NET1: variants seen among roughly 807,000 people sequenced by gnomAD.
The protein encoded by NET1 is neuroepithelial cell-transforming gene 1 protein.
NET1 carries 42 observed loss-of-function variants against 61.1 expected under a neutral mutation model. The ratio of observed to expected loss-of-function variants is 0.69; its 90% CI spans 0.54 to 0.89. NET1 has a LOEUF of 0.89. Ranked by LOEUF, NET1 falls within the 40% of genes least tolerant of loss-of-function variation. The pLI is 0.00. For missense variants in NET1, 654 were observed against 747.3 expected (o/e 0.88, Z 1.46); for synonymous variants, 254 against 281.8 (o/e 0.90, Z 0.99).
At position 5,449,316 on chromosome 10, in the gene NET1, A is replaced by G. The variant is rs1341424263; in HGVS notation, c.256-2514A>G. 6.6e-6 allele frequency among the ~76,000 whole-genome samples: 1 copy of G among 152,162 alleles called. No individual in the cohort carries two copies. The highest frequency in any genetic ancestry group is 1.5e-5 in the Non-Finnish European group (1 of 68,036). On this transcript the variant is annotated intron_variant, in intron 3 of 11. Transcript: ENST00000355029. This position sits in a 1 kb window ranked among gnomAD's most constrained non-coding sequence, Gnocchi z 4.4. ...GAGTGAGGCAGGAAAGTTATCCACC[A>G]TCATCCCCAAAAGCATGTGAAAAAG...
At chr10:5,419,348 G>A (rs977866773) in intron 1 of NET1, among the ~76,000 whole-genome samples, 6 of 149,058 alleles carry the variant, frequency 4.0e-5, no homozygotes, top group African/African-American at 1.5e-4. Context: ...GGTTGGTTTT[G>A]ATCCTGTCTG....
In NET1 at chr10:5,457,183, C is replaced by CT. The variant is rs992021990; in HGVS notation, c.*199dup. The stretch of plus-strand genomic sequence containing the variant: ...TACAGATTACTGTTAAATTGCAGTC[C>CT]TTTTTTTTTTAAAGATATTTTCTTG... On this transcript the variant is annotated 3_prime_UTR_variant, in exon 12 of 12. Transcript: ENST00000355029. The surrounding 1 kb of genome is among the most constrained non-coding windows in gnomAD (Gnocchi z 5.4). The CT allele has an allele frequency of 8.1e-3, 2,826 of 348,460 alleles. No homozygotes were observed. The highest frequency in any genetic ancestry group is 0.016 in the Middle Eastern group (20 of 1,230). The allele number at this position is 348,460 out of a possible 1,614,324, so 21.6% of individuals were successfully genotyped here.
chr10:5,452,834 C>T lies in NET1; in HGVS notation c.532-24C>T, dbSNP rs372650858. 8 of 1,606,120 alleles carry T rather than the reference C, an allele frequency of 5.0e-6. No individual in the cohort carries two copies. Among genetic ancestry groups the T allele is most frequent in the African/African-American group, 4.0e-5 (3 of 74,584 alleles). The stretch of plus-strand genomic sequence containing the variant: ...TTTTCCTTTCTCGAAGGAATGACCT[C>T]TGATGTTTGCTGGATGTTTTTAGGC... On this transcript the variant is annotated intron_variant, in intron 5 of 11. Coordinates refer to ENST00000355029, the MANE Select transcript of NET1 (RefSeq NM_001047160.3). This position sits in a 1 kb window ranked among gnomAD's most constrained non-coding sequence, Gnocchi z 4.0.
Position 5,412,805 on chromosome 10 carries a change from C to T in NET1, c.113C>T (p.Ser38Leu). ...ATGPSADTSG[S>L]ELDGRCSLRR... ...GGGCCTTCGGCCGACACCTCCGGGT[C>T]GGAGCTGGACGGGAGGTGAGTGTGG... The change falls in exon 1 of 12, where the codon TCG becomes TTG. Residue 38 changes from serine (S) to leucine (L), a missense_variant. Ser to Leu is a moderately radical substitution (Grantham distance 145). Transcript: ENST00000355029. The surrounding 1 kb of genome is among the most constrained non-coding windows in gnomAD (Gnocchi z 6.5). The T allele has an allele frequency of 1.4e-6, 2 of 1,412,966 alleles. No individual in the cohort carries two copies. Among genetic ancestry groups the T allele is most frequent in the South Asian group, 1.4e-5 (1 of 69,272 alleles). The allele number at this position is 1,412,966 out of a possible 1,614,324, so 87.5% of individuals were successfully genotyped here. A position where few individuals can be genotyped will look rare whatever the true frequency, so the allele number is the denominator to read the frequency against.
At chr10:5,428,445 ATT>A (rs11448127) in intron 2 of NET1, among the ~76,000 whole-genome samples, 1 of 146,418 alleles carries the variant, frequency 6.8e-6, no homozygotes, top group Non-Finnish European at 1.5e-5. Flanking sequence ...TGAGAAAAGG[ATT>A]TTTTTTTTCT....
At position 5,415,681 on chromosome 10, in the gene NET1, TGCCTGCCTCG is replaced by T. The variant is rs1832071341; in HGVS notation, c.128+2866_128+2875del. 6.6e-6 allele frequency among the ~76,000 whole-genome samples: 1 copy of T among 152,176 alleles called. No individual in the cohort carries two copies. Among genetic ancestry groups the T allele is most frequent in the South Asian group, 2.1e-4 (1 of 4,828 alleles). Reference sequence around the variant, plus strand: ...GTCTTGAACTCCTGACCTTGTGATTTGCCTGCCTCGGCCTCCCAAAGTGCTGGGATTACAG... The same window carrying T: ...GTCTTGAACTCCTGACCTTGTGATTTGCCTCCCAAAGTGCTGGGATTACAG... On this transcript the variant is annotated intron_variant, in intron 1 of 11. Coordinates refer to ENST00000355029, the MANE Select transcript of NET1 (RefSeq NM_001047160.3). The surrounding 1 kb of genome is among the most constrained non-coding windows in gnomAD (Gnocchi z 4.7).
chr10:5,432,976 T>C (rs1195118926), intron 3 of NET1, among the ~76,000 whole-genome samples: 4 of 152,198 alleles, frequency 2.6e-5, no homozygotes. Context: ...TATGAGCATT[T>C]AGTTAACTAG....
chr10:5,429,489 A>G (rs993300936), intron 3 of NET1, among the ~76,000 whole-genome samples: 2 of 152,188 alleles, frequency 1.3e-5, no homozygotes, highest in African/African-American at 2.4e-5. Context: ...TGCTAAGGAG[A>G]CAGGCTGTAA....
chr10:5,456,238 G>A lies in NET1; in HGVS notation c.1349G>A (p.Gly450Asp). 1 of 1,613,302 alleles carries A rather than the reference G, an allele frequency of 6.2e-7. No homozygotes were observed. Among genetic ancestry groups the A allele is most frequent in the South Asian group, 1.1e-5 (1 of 90,780 alleles). The change falls in exon 11 of 12, where the codon GGC becomes GAC. Residue 450 changes from glycine (G) to aspartate (D), a missense_variant. Physicochemically the swap from Gly to Asp is moderately conservative, Grantham distance 94. Coordinates refer to ENST00000355029, the MANE Select transcript of NET1 (RefSeq NM_001047160.3). This position sits in a 1 kb window ranked among gnomAD's most constrained non-coding sequence, Gnocchi z 7.0. ...DLQDGDVRMG[G>D]SFRGAFSNSE... ...CAGGATGGAGATGTGAGAATGGGAG[G>A]CTCCTTTCGAGGAGCTTTCAGTAAC...
chr10:5,445,295 T>A (rs1832589506), intron 3 of NET1, among the ~76,000 whole-genome samples: 1 of 152,192 alleles, frequency 6.6e-6, no homozygotes, highest in Non-Finnish European at 1.5e-5. Context: ...CTGGCATTGT[T>A]CCCAGCCGTG....
In NET1 at chr10:5,422,720, C is replaced by T. The variant is rs1183021094; in HGVS notation, c.129-3935C>T. 6.6e-6 allele frequency among the ~76,000 whole-genome samples: 1 copy of T among 152,080 alleles called. No homozygotes were observed. The highest frequency in any genetic ancestry group is 1.9e-4 in the East Asian group (1 of 5,190). The stretch of plus-strand genomic sequence containing the variant: ...GAGACTCTCATGCAGATGAGAAAAC[C>T]CTAGTATGATAGGAGACATAGTCTA... On this transcript the variant is annotated intron_variant, in intron 1 of 11. Coordinates refer to ENST00000355029, the MANE Select transcript of NET1 (RefSeq NM_001047160.3). This position sits in a 1 kb window ranked among gnomAD's most constrained non-coding sequence, Gnocchi z 4.1.
rs1243506372 is a variant in NET1 at position 5,458,312 on chromosome 10, A to G, written c.*1318A>G. 1 of 152,488 alleles carries G rather than the reference A, an allele frequency of 6.6e-6. No homozygotes were observed. Among genetic ancestry groups the G allele is most frequent in the Non-Finnish European group, 1.5e-5 (1 of 68,038 alleles). 9.4% of individuals were successfully genotyped at this position (152,488 alleles called of 1,614,324 possible). On this transcript the variant is annotated 3_prime_UTR_variant, in exon 12 of 12. Coordinates refer to ENST00000355029, the MANE Select transcript of NET1 (RefSeq NM_001047160.3). The surrounding 1 kb of genome is among the most constrained non-coding windows in gnomAD (Gnocchi z 4.5). ...GAGGAGGAGTAAAAGCCCGATTATAATGGTGATCAATTCAAGTCAGTGTTG... is the reference window on the plus strand; with the variant it reads ...GAGGAGGAGTAAAAGCCCGATTATAGTGGTGATCAATTCAAGTCAGTGTTG...
In NET1 at chr10:5,420,815, T is replaced by C. The variant is rs565689967; in HGVS notation, c.129-5840T>C. Among the ~76,000 whole-genome samples, 12 of 152,134 alleles carry C rather than the reference T, an allele frequency of 7.9e-5. No homozygotes were observed. The highest frequency in any genetic ancestry group is 3.4e-3 in the Middle Eastern group (1 of 294). On this transcript the variant is annotated intron_variant, in intron 1 of 11. Transcript: ENST00000355029. This position sits in a 1 kb window ranked among gnomAD's most constrained non-coding sequence, Gnocchi z 5.3. ...TTCACCATGTTGGCCAGGATGGTTT[T>C]GATCTCCTGACCTCGTGAACCGCCC...
chr10:5,446,566 C>A lies in NET1; in HGVS notation c.256-5264C>A. 8.6e-7 allele frequency: 1 copy of A among 1,167,376 alleles called. No individual in the cohort carries two copies. Among genetic ancestry groups the A allele is most frequent in the Non-Finnish European group, 1.1e-6 (1 of 946,986 alleles). 72.3% of individuals were successfully genotyped at this position (1,167,376 alleles called of 1,614,324 possible). A position where few individuals can be genotyped will look rare whatever the true frequency, so the allele number is the denominator to read the frequency against. ...CCCAGGGCCCGGTTGGCTGTGGCCCCGCCCCCGAGCCCTGGGGTCGGTGCT... is the reference window on the plus strand; with the variant it reads ...CCCAGGGCCCGGTTGGCTGTGGCCCAGCCCCCGAGCCCTGGGGTCGGTGCT... On this transcript the variant is annotated intron_variant, in intron 3 of 11. Transcript: ENST00000355029. The surrounding 1 kb of genome is among the most constrained non-coding windows in gnomAD (Gnocchi z 5.0).
rs1240589569 is a variant in NET1 at position 5,443,747 on chromosome 10, A to G, written c.256-8083A>G. ...ATTTGTTTTCTATTTCTGTATTTAC[A>G]TATAAAGACTTCTACCTTTACCTCT... is the stretch of plus-strand genomic sequence containing the variant. On this transcript the variant is annotated intron_variant, in intron 3 of 11. Transcript: ENST00000355029. This position sits in a 1 kb window ranked among gnomAD's most constrained non-coding sequence, Gnocchi z 4.8. Among the ~76,000 whole-genome samples, 1 of 152,216 alleles carries G rather than the reference A, an allele frequency of 6.6e-6. No individual in the cohort carries two copies. Among genetic ancestry groups the G allele is most frequent in the African/African-American group, 2.4e-5 (1 of 41,454 alleles).
At chr10:5,450,724 A>G (rs755621838) in intron 3 of NET1, among the ~76,000 whole-genome samples, 5 of 152,218 alleles carry the variant, frequency 3.3e-5, no homozygotes, top group Admixed American at 6.5e-5. Flanking sequence ...TGCTCCATAG[A>G]CATAAAGAAT....
intron 1 of NET1, among the ~76,000 whole-genome samples, chr10:5,414,732 A>G (rs1832050517): frequency 6.6e-6 from 1 of 152,234 alleles, no homozygotes; most frequent in Admixed American, 6.5e-5. Context: ...GAGAGGTTGA[A>G]CAGACAGTAG....
In NET1 at chr10:5,454,806, AAC is replaced by A. The variant is rs2119216419; in HGVS notation, c.1027-140_1027-139del. ...GGACTGTTTCTTGATCTATAAAATG[AAC>A]AGACTGGCAGAATTAACTGATTTCT... On this transcript the variant is annotated intron_variant, in intron 9 of 11. Transcript: ENST00000355029. The surrounding 1 kb of genome is among the most constrained non-coding windows in gnomAD (Gnocchi z 8.1). 1.2e-6 allele frequency: 1 copy of A among 815,214 alleles called. No homozygotes were observed. Among genetic ancestry groups the A allele is most frequent in the South Asian group, 1.8e-5 (1 of 55,438 alleles). The allele number at this position is 815,214 out of a possible 1,614,324, so 50.5% of individuals were successfully genotyped here. A position where few individuals can be genotyped will look rare whatever the true frequency, so the allele number is the denominator to read the frequency against.
In NET1 at chr10:5,421,225, T is replaced by C. The variant is rs148482009; in HGVS notation, c.129-5430T>C. On this transcript the variant is annotated intron_variant, in intron 1 of 11. Coordinates refer to ENST00000355029, the MANE Select transcript of NET1 (RefSeq NM_001047160.3). This position sits in a 1 kb window ranked among gnomAD's most constrained non-coding sequence, Gnocchi z 4.2. Reference sequence around the variant, plus strand: ...GTACCTATGTCTAAGGTCCTGAAAATTGGACACAAGTAATGTTTAAATAAT... The same window carrying C: ...GTACCTATGTCTAAGGTCCTGAAAACTGGACACAAGTAATGTTTAAATAAT... Among the ~76,000 whole-genome samples, 150 of 152,284 alleles carry C rather than the reference T, an allele frequency of 9.9e-4. 1 individual carries two copies. The highest frequency in any genetic ancestry group is 1.6e-3 in the Non-Finnish European group (112 of 68,014).
Sources: allele counts gnomAD v4.1 joint callset (sites outside exome capture counted in the v4.1 genomes callset), GRCh38; gene constraint gnomAD v4.1.1; non-coding constraint Gnocchi (gnomAD v3.1); transcripts MANE v1.5; gene names NCBI Gene and HGNC (gene_info 2026-07-23, HGNC 2026-07-21).